Variants in WDR90 observed in about 807,000 individuals in gnomAD.
The protein encoded by WDR90 is WD repeat domain 90, also known as WD repeat-containing protein 90.
In WDR90, 238 loss-of-function variants were observed where a neutral mutation model predicts 195.2. The ratio of observed to expected loss-of-function variants is 1.22; its 90% CI spans 1.10 to 1.36. The LOEUF (loss-of-function observed/expected upper bound fraction) is 1.36. Ranked by LOEUF, WDR90 falls within the 40% of genes most tolerant of loss-of-function variation. The pLI is 0.00. For synonymous variants in WDR90, 1,265 were observed against 1,052.4 expected, an observed-to-expected ratio of 1.20 and a Z score of -3.91; for missense variants, 2,734 against 2,439.5, an observed-to-expected ratio of 1.12 and a Z score of -2.54.
intron 13 of WDR90, 103 bp downstream of exon 13, chr16:653,906 G>C (rs2037694852): frequency 8.4e-6 from 12 of 1,430,746 alleles, no homozygotes; most frequent in South Asian, 5.1e-5. Context: ...GTGACCCTGG[G>C]TCCCTGCTCT....
At position 658,936 on chromosome 16, in the gene WDR90, T is replaced by C. The variant is rs1488312063; in HGVS notation, c.2936T>C (p.Phe979Ser). The change falls in exon 24 of 41, where the codon TTC becomes TCC. Residue 979 changes from phenylalanine to serine, a missense_variant. Transcript: ENST00000293879. ...GHSEPVQAVAFSPDQQQVLSA... is the reference protein window; with the variant it reads ...GHSEPVQAVASSPDQQQVLSA... ...TCGGAACCCGTGCAGGCTGTGGCCTTCTCTCCTGACCAGCAGCAGGTCCTC... is the reference window on the plus strand; with the variant it reads ...TCGGAACCCGTGCAGGCTGTGGCCTCCTCTCCTGACCAGCAGCAGGTCCTC... The C allele has an allele frequency of 1.9e-6, 3 of 1,612,654 alleles. No individual in the cohort carries two copies. The highest frequency in any genetic ancestry group is 2.5e-6 in the Non-Finnish European group (3 of 1,179,984).
rs760411046 is a variant in WDR90 at position 655,846 on chromosome 16, G to A, written c.1923G>A (p.Leu641=). 34 of 1,598,316 alleles carry A rather than the reference G, an allele frequency of 2.1e-5. No homozygotes were observed. The African/African-American group carries it at 4.3e-4, about 20-fold the overall frequency. Reference sequence around the variant, plus strand: ...CTGTGGGCTCTGAGGACGGCTTCTTGCGGCTCTGGCCCCTGGACTTCTCCT... The same window carrying A: ...CTGTGGGCTCTGAGGACGGCTTCTTACGGCTCTGGCCCCTGGACTTCTCCT... ...MCAVGSEDGF[L]RLWPLDFSSV... Residue 641 remains leucine (L), a synonymous_variant, in exon 17 of 41, where the codon TTG becomes TTA. Transcript: ENST00000293879.
At chr16:652,566 C>A in intron 10 of WDR90, 31 bp downstream of exon 10, 1 of 1,575,076 alleles carries the variant, frequency 6.3e-7, no homozygotes, top group Non-Finnish European at 8.6e-7. Context: ...TCCAGAGCAG[C>A]TCTCGTTGGC....
intron 34 of WDR90, among the ~76,000 whole-genome samples, chr16:664,766 GC>G (rs1467412280): frequency 6.6e-6 from 1 of 150,798 alleles, no homozygotes; most frequent in Non-Finnish European, 1.5e-5. Flanking sequence ...TGCAAGCTCC[GC>G]CTCCCGGGTT....
chr16:650,623 G>C lies in WDR90; in HGVS notation c.473G>C (p.Arg158Pro). 6.2e-7 allele frequency: 1 copy of C among 1,612,768 alleles called. No homozygotes were observed. Among genetic ancestry groups the C allele is most frequent in the Non-Finnish European group, 8.5e-7 (1 of 1,179,950 alleles). Residue 158 changes from arginine to proline, a missense_variant, in exon 5 of 41, where the codon CGG becomes CCG. Physicochemically the swap from Arg to Pro is moderately radical, Grantham distance 103 (BLOSUM62 -2). Coordinates refer to ENST00000293879, the MANE Select transcript of WDR90 (RefSeq NM_145294.5). ...GACGTTCTCCTGGTCTACCTGAACCGGTGCTACGGCCATCTCAAGAGCATC... is the reference window on the plus strand; with the variant it reads ...GACGTTCTCCTGGTCTACCTGAACCCGTGCTACGGCCATCTCAAGAGCATC... Reference protein sequence around the residue: ...LQDVLLVYLNRCYGHLKSIRL... With the variant: ...LQDVLLVYLNPCYGHLKSIRL...
Position 649,810 on chromosome 16 carries a change from G to C in WDR90, c.58G>C (p.Glu20Gln), listed in dbSNP as rs754972923. The change falls in exon 2 of 41, where the codon GAG becomes CAG. Residue 20 changes from glutamate to glutamine, a missense_variant. Coordinates refer to ENST00000293879, the MANE Select transcript of WDR90 (RefSeq NM_145294.5). ...LNVFRHFRVD[E>Q]WKRSAKQGDV... is the part of the protein sequence containing the mutation. ...CGTCTTCAGACACTTCCGGGTGGACGAGTGGAAGCGCTCCGCCAAGCAGGG... is the reference window on the plus strand; with the variant it reads ...CGTCTTCAGACACTTCCGGGTGGACCAGTGGAAGCGCTCCGCCAAGCAGGG... The C allele has an allele frequency of 1.3e-6, 2 of 1,581,266 alleles. No homozygotes were observed. The highest frequency in any genetic ancestry group is 2.3e-5 in the South Asian group (2 of 87,392).
chr16:660,901 TG>T, intron 28 of WDR90, 149 bp from the exon 29 acceptor site: 1 of 742,266 alleles, frequency 1.3e-6, no homozygotes, highest in Non-Finnish European at 1.8e-6. Context: ...TACTGGACGC[TG>T]GGGAGGGCGC....
At position 650,999 on chromosome 16, in the gene WDR90, C is replaced by T. The variant is rs761604503; in HGVS notation, c.564C>T (p.Ile188=). The T allele has an allele frequency of 9.3e-6, 15 of 1,613,010 alleles. No individual in the cohort carries two copies. The highest frequency in any genetic ancestry group is 1.7e-5 in the Admixed American group (1 of 59,998). The change falls in exon 6 of 41, where the codon ATC becomes ATT. Residue 188 remains isoleucine, a synonymous_variant. Coordinates refer to ENST00000293879, the MANE Select transcript of WDR90 (RefSeq NM_145294.5). ...YTSDLCFEPA[I]SGAQWAKLPV... ...GAACAACCCTGCTCCTTGTAGCCAT[C>T]TCTGGGGCCCAGTGGGCAAAGCTGC...
chr16:650,011 C>G lies in WDR90; in HGVS notation c.123C>G (p.Ala41=). ...TCCAGGACAAGACCCTGAAGGGCGC[C>G]GTGTATCGCATTCGGGGCTCAGTCT... ...AVVTDKTLKG[A]VYRIRGSVSA... is the part of the protein sequence containing the mutation. Residue 41 remains alanine, a synonymous_variant, in exon 3 of 41, where the codon GCC becomes GCG. Coordinates refer to ENST00000293879, the MANE Select transcript of WDR90 (RefSeq NM_145294.5). 1 of 1,612,792 alleles carries G rather than the reference C, an allele frequency of 6.2e-7. No individual in the cohort carries two copies.
Position 650,280 on chromosome 16 carries a change from C to T in WDR90, c.306C>T (p.Phe102=). 6.2e-7 allele frequency: 1 copy of T among 1,613,014 alleles called. No homozygotes were observed. The highest frequency in any genetic ancestry group is 8.5e-7 in the Non-Finnish European group (1 of 1,179,944). The stretch of plus-strand genomic sequence containing the variant: ...ACAACCAAGTCATCCGTGTGTCTTT[C>T]TCCAACCTCTTCAAGGAGTTTAAGT... The part of the protein sequence containing the change: ...SKDNQVIRVS[F]SNLFKEFKST... Residue 102 remains phenylalanine, a synonymous_variant, in exon 4 of 41, where the codon TTC becomes TTT. Coordinates refer to ENST00000293879, the MANE Select transcript of WDR90 (RefSeq NM_145294.5).
rs2037774489 is a variant in WDR90 at position 657,125 on chromosome 16, AC to A, written c.2381del (p.Pro794LeufsTer65). On this transcript the variant is annotated frameshift_variant, in exon 20 of 41. Coordinates refer to ENST00000293879, the MANE Select transcript of WDR90 (RefSeq NM_145294.5). LOFTEE classifies it high-confidence loss of function. ...AGGAGCTGTCACCGGCCTGACCGCC[AC>A]CCCTGACGGCCGCCTGCTCTTCAGC... The part of the protein sequence containing the change: ...HRGAVTGLTA[T>X]PDGRLLFSSC... The A allele has an allele frequency of 1.9e-6, 3 of 1,585,262 alleles. No individual in the cohort carries two copies. The highest frequency in any genetic ancestry group is 2.3e-5 in the South Asian group (2 of 87,226).
At chr16:649,469 G>T in intron 1 of WDR90, 43 bp downstream of exon 1, 1 of 1,287,524 alleles carries the variant, frequency 7.8e-7, no homozygotes, top group Non-Finnish European at 9.8e-7. Flanking sequence ...CCGGGTTCCG[G>T]GGTTCCGGGG....
In WDR90 at chr16:650,679, C is replaced by G. The variant is rs758717935; in HGVS notation, c.529C>G (p.Leu177Val). ...GTGCGCCAGCCTGCTGGTCAGGAAC[C>G]TGTACACCAGTGACCTGTGCTTTGA... ...RLCASLLVRNLYTSDLCFEPA... is the reference protein window; with the variant it reads ...RLCASLLVRNVYTSDLCFEPA... The change falls in exon 5 of 41, where the codon CTG becomes GTG. Residue 177 changes from leucine to valine, a missense_variant. Transcript: ENST00000293879. The G allele has an allele frequency of 1.2e-6, 2 of 1,612,412 alleles. No homozygotes were observed. The highest frequency in any genetic ancestry group is 1.7e-6 in the Non-Finnish European group (2 of 1,179,622).
In WDR90 at chr16:653,687, C is replaced by G. The variant is rs745885010; in HGVS notation, c.1379+17C>G. On this transcript the variant is annotated intron_variant, in intron 12 of 40. Coordinates refer to ENST00000293879, the MANE Select transcript of WDR90 (RefSeq NM_145294.5). ...CTCTCTCAGGTGAGCACAGGTCTGC[C>G]CCATGCAGGGGGAGGGGGTCAGCCC... 1 of 1,613,254 alleles carries G rather than the reference C, an allele frequency of 6.2e-7. No individual in the cohort carries two copies.
At chr16:664,904 C>G (rs2037991417) in intron 34 of WDR90, 1 of 152,314 alleles carries the variant, frequency 6.6e-6, no homozygotes, top group Non-Finnish European at 1.5e-5. Context: ...TGGTCTCGAA[C>G]TCCTGACCCC....
At chr16:656,678 C>T (rs563759915) in intron 18 of WDR90, 54 bp from the exon 19 acceptor site, 21 of 1,586,052 alleles carry the variant, frequency 1.3e-5, no homozygotes, top group Non-Finnish European at 1.3e-5. Flanking sequence ...GCCTGGAGAG[C>T]CCCTGGGCCC....
Position 659,105 on chromosome 16 carries a change from G to A in WDR90, c.3031G>A (p.Ala1011Thr), listed in dbSNP as rs368701693. ...PTESDQSFPG[A>T]PPACKTGPGA... ...CTCCAGCGACCAAAGCTTCCCCGGG[G>A]CCCCCCCAGCCTGCAAGACAGGTGA... The change falls in exon 25 of 41, where the codon GCC becomes ACC. Residue 1011 changes from alanine (A) to threonine (T), a missense_variant. Ala to Thr is a moderately conservative substitution (Grantham distance 58). Coordinates refer to ENST00000293879, the MANE Select transcript of WDR90 (RefSeq NM_145294.5). The A allele has an allele frequency of 2.5e-6, 4 of 1,611,866 alleles. No individual in the cohort carries two copies. The African/African-American group carries it at 4.0e-5, about 16-fold the overall frequency.
Position 653,623 on chromosome 16 carries a change from GT to G in WDR90, c.1333del (p.Cys445AlafsTer101), listed in dbSNP as rs1284275828. 1.2e-6 allele frequency: 2 copies of G among 1,613,546 alleles called. No homozygotes were observed. The highest frequency in any genetic ancestry group is 4.5e-5 in the East Asian group (2 of 44,884). On this transcript the variant is annotated frameshift_variant, in exon 12 of 41. Coordinates refer to ENST00000293879, the MANE Select transcript of WDR90 (RefSeq NM_145294.5). LOFTEE classifies it high-confidence loss of function. ...GGCTCTGGGACTTCCAGACCGGGCG[GT>G]GCTTGTGCCTGTTCCGGAGCCCAAT... ...MRLWDFQTGR[C>X]LCLFRSPMHV... is the part of the protein sequence containing the mutation.
intron 39 of WDR90, 27 bp from the exon 40 acceptor site, chr16:666,878 C>T (rs955414503): frequency 1.7e-5 from 27 of 1,612,920 alleles, no homozygotes; most frequent in Non-Finnish European, 2.2e-5. Context: ...GCCCACAGGC[C>T]TGGAGCCTCA....
Sources: gnomAD v4.1 joint callset for allele counts (sites outside exome capture counted in the v4.1 genomes callset) on GRCh38, gnomAD v4.1.1 for gene constraint, MANE v1.5 for transcripts, NCBI Gene and HGNC (gene_info 2026-07-23, HGNC 2026-07-21) for gene names.